CHEK2: variants seen among roughly 807,000 people sequenced by gnomAD.
CHEK2 encodes the protein checkpoint kinase 2.
CHEK2 carries 71 observed loss-of-function variants against 69.1 expected under a neutral mutation model. That is an observed-to-expected ratio of 1.03 (90% CI 0.85 to 1.25). CHEK2 has a LOEUF of 1.25. CHEK2 is among the 50% of genes most tolerant of loss of function. The probability of loss-of-function intolerance (pLI) is 0.00; values close to 1 mark genes in which losing one functional copy is unlikely to be tolerated. For missense variants in CHEK2, 664 were observed against 649.6 expected (o/e 1.02, Z -0.24); for synonymous variants, 189 against 226.9 (o/e 0.83, Z 1.50).
intron 7 of CHEK2, among the ~76,000 whole-genome samples, chr22:28,705,968 A>AAAACTAAACTAAAAACT (rs2053121734): frequency 6.8e-6 from 1 of 147,414 alleles, no homozygotes; most frequent in East Asian, 2.0e-4. Flanking sequence ...AACTAAACTA[A>AAAACTAAACTAAAAACT]AAACTAAACT....
At position 28,721,822 on chromosome 22, in the gene CHEK2, C is replaced by A. The variant is rs1053001806; in HGVS notation, c.593-2337G>T. 2.6e-5 allele frequency among the ~76,000 whole-genome samples: 4 copies of A among 151,932 alleles called. No individual in the cohort carries two copies. In the East Asian group the frequency reaches 7.7e-4, roughly 29 times the overall value. On this transcript the variant is annotated intron_variant, in intron 4 of 14. Transcript: ENST00000404276. ...CATGGCTCACTGTAGCCTCGACCTC[C>A]CAGGCTCAAGCAATCCTCCCACCTC...
intron 5 of CHEK2, among the ~76,000 whole-genome samples, chr22:28,716,161 C>T (rs1230837963): frequency 2.6e-5 from 4 of 151,860 alleles, no homozygotes; most frequent in Non-Finnish European, 4.4e-5. Flanking sequence ...GCATGAGCCA[C>T]CATACCCAGC....
At chr22:28,722,127 T>C (rs1235855768) in intron 4 of CHEK2, among the ~76,000 whole-genome samples, 2 of 152,120 alleles carry the variant, frequency 1.3e-5, no homozygotes, top group East Asian at 1.9e-4. Flanking sequence ...AATGAGAAGG[T>C]GGCACACAGC....
At chr22:28,711,581 T>A (rs570141616) in intron 6 of CHEK2, among the ~76,000 whole-genome samples, 3 of 152,278 alleles carry the variant, frequency 2.0e-5, no homozygotes, top group Non-Finnish European at 4.4e-5. Flanking sequence ...CAGTGGGGAT[T>A]ATGGCTGAAT....
intron 13 of CHEK2, among the ~76,000 whole-genome samples, chr22:28,691,916 A>G (rs951813053): frequency 8.5e-5 from 13 of 152,156 alleles, no homozygotes; most frequent in Non-Finnish European, 1.5e-4. Context: ...AAAACACTGA[A>G]TTTTCCCAAA....
intron 13 of CHEK2, among the ~76,000 whole-genome samples, chr22:28,689,869 T>C (rs1370968856): frequency 6.6e-6 from 1 of 152,118 alleles, no homozygotes; most frequent in East Asian, 1.9e-4. Flanking sequence ...AGCTCCCACC[T>C]CTCTGGATGC....
intron 8 of CHEK2, among the ~76,000 whole-genome samples, chr22:28,702,135 C>G (rs62235684): frequency 7.3e-4 from 103 of 140,392 alleles, no homozygotes; most frequent in South Asian, 2.2e-3. Context: ...GTGTGTGTGT[C>G]TGTGTGTGTG....
At chr22:28,723,593 G>A (rs1180399499) in intron 4 of CHEK2, among the ~76,000 whole-genome samples, 8 of 112,972 alleles carry the variant, frequency 7.1e-5, no homozygotes, top group African/African-American at 1.4e-4. Context: ...GCAAGGCTCC[G>A]TCACAAGGAA....
At position 28,695,693 on chromosome 22, in the gene CHEK2, A is replaced by G. The variant is rs746109434; in HGVS notation, c.1259+17T>C. On this transcript the variant is annotated intron_variant, in intron 11 of 14. Transcript: ENST00000404276. ...TCACCTCCTACCAGTCTGTGCAGCA[A>G]TGAAAATATTTCTTACCAGATAAAA... 2.2e-5 allele frequency: 36 copies of G among 1,611,074 alleles called. No homozygotes were observed. In the Admixed American group the frequency reaches 5.8e-4, roughly 26 times the overall value.
At chr22:28,735,684 C>T (rs187393726) in intron 1 of CHEK2, among the ~76,000 whole-genome samples, 119 of 151,926 alleles carry the variant, frequency 7.8e-4, no homozygotes, top group Non-Finnish European at 1.1e-3. Context: ...GAGTTCAAGA[C>T]CAGCCTGGCC....
chr22:28,725,260 G>A lies in CHEK2; in HGVS notation c.427C>T (p.His143Tyr), dbSNP rs1060502688. 3.1e-6 allele frequency: 5 copies of A among 1,613,972 alleles called. No individual in the cohort carries two copies. The highest frequency in any genetic ancestry group is 3.3e-5 in the Admixed American group (2 of 59,992). ...TDKYRTYSKK[H>Y]FRIFREVGPK... ...TTACCTACCCTGAAAATCCGAAAGT[G>A]TTTCTTGCTGTATGTTCGGTATTTA... The change falls in exon 3 of 15, where the codon CAC becomes TAC. Residue 143 changes from histidine (H) to tyrosine (Y), a missense_variant. His to Tyr is a moderately conservative substitution (Grantham distance 83). Transcript: ENST00000404276.
chr22:28,738,471 C>G (rs1347157595), intron 1 of CHEK2, among the ~76,000 whole-genome samples: 1 of 152,164 alleles, frequency 6.6e-6, no homozygotes, highest in Non-Finnish European at 1.5e-5. Flanking sequence ...CACAACTTCT[C>G]TAAACCTGTT....
At position 28,729,263 on chromosome 22, in the gene CHEK2, G is replaced by A. The variant is rs1484636694; in HGVS notation, c.320-3896C>T. On this transcript the variant is annotated intron_variant, in intron 2 of 14. Coordinates refer to ENST00000404276, the MANE Select transcript of CHEK2 (RefSeq NM_007194.4). The stretch of plus-strand genomic sequence containing the variant: ...GACCAAACAAGAATTAACCCAGGAC[G>A]CCAGGCGCGGTGGCTCACATCTGTA... 6 of 264,840 alleles carry A rather than the reference G, an allele frequency of 2.3e-5. 1 individual carries two copies. The highest frequency in any genetic ancestry group is 4.7e-5 in the African/African-American group (2 of 42,570). 16.4% of individuals were successfully genotyped at this position (264,840 alleles called of 1,614,324 possible).
intron 4 of CHEK2, among the ~76,000 whole-genome samples, chr22:28,723,018 C>T (rs903309549): frequency 6.6e-6 from 1 of 152,162 alleles, no homozygotes; most frequent in African/African-American, 2.4e-5. Flanking sequence ...TCTATGGTTT[C>T]TTTAACTAAA....
In CHEK2 at chr22:28,741,759, T is replaced by A. The variant is rs1057520794; in HGVS notation, c.-7+10A>T. On this transcript the variant is annotated intron_variant, in intron 1 of 14. Transcript: ENST00000404276. Reference sequence around the variant, plus strand: ...CCAAACACCCAACAGAAGTTCCCCATATGACTCACCGCGTGAGCCCACCTG... The same window carrying A: ...CCAAACACCCAACAGAAGTTCCCCAAATGACTCACCGCGTGAGCCCACCTG... The A allele has an allele frequency of 2.4e-6, 1 of 414,288 alleles. No homozygotes were observed. Among genetic ancestry groups the A allele is most frequent in the Admixed American group, 4.0e-5 (1 of 25,086 alleles). The allele number at this position is 414,288 out of a possible 1,614,324, so 25.7% of individuals were successfully genotyped here.
At chr22:28,705,787 G>A (rs761764762) in intron 7 of CHEK2, among the ~76,000 whole-genome samples, 3 of 151,562 alleles carry the variant, frequency 2.0e-5, no homozygotes, top group African/African-American at 4.8e-5. Context: ...TTAGCTGGGC[G>A]TGGTGGTGCA....
chr22:28,704,933 A>G (rs2053051835), intron 7 of CHEK2, among the ~76,000 whole-genome samples: 1 of 152,182 alleles, frequency 6.6e-6, no homozygotes, highest in South Asian at 2.1e-4. Flanking sequence ...CAATGAATGA[A>G]TGCCCAGTTT....
intron 8 of CHEK2, among the ~76,000 whole-genome samples, 155 bp downstream of exon 8, chr22:28,703,350 T>C (rs931960184): frequency 1.3e-5 from 2 of 152,148 alleles, no homozygotes; most frequent in African/African-American, 4.8e-5. Context: ...TTTGGGTTGA[T>C]ATTAACCCCC....
At chr22:28,692,876 G>A (rs944104488) in intron 13 of CHEK2, among the ~76,000 whole-genome samples, 2 of 152,158 alleles carry the variant, frequency 1.3e-5, no homozygotes, top group African/African-American at 4.8e-5. Flanking sequence ...CACCAGATCT[G>A]ACAGTTTCAT....
Sources: allele counts gnomAD v4.1 joint callset (sites outside exome capture counted in the v4.1 genomes callset), GRCh38; gene constraint gnomAD v4.1.1; transcripts MANE v1.5; gene names NCBI Gene and HGNC (gene_info 2026-07-23, HGNC 2026-07-21).